The following NRG2 variants were observed in gnomAD, a reference collection of about 807,000 sequenced individuals.
NRG2 encodes the protein pro-neuregulin-2, membrane-bound isoform.
Under a neutral mutation model 73.9 loss-of-function variants are expected in NRG2, and 27 were observed. That is an observed-to-expected ratio of 0.37 (90% CI 0.27 to 0.50). The LOEUF (loss-of-function observed/expected upper bound fraction) is 0.50, where lower values mean the gene tolerates loss of function less well. Ranked by LOEUF, NRG2 falls within the 20% of genes least tolerant of loss-of-function variation. The pLI is 0.96. For missense variants in NRG2, 1,126 were observed against 1,210.1 expected, an observed-to-expected ratio of 0.93 and a Z score of 1.03; for synonymous variants, 532 against 541.0, an observed-to-expected ratio of 0.98 and a Z score of 0.23.
At chr5:139,858,766 C>T (rs1369126720) in intron 5 of NRG2, among the ~76,000 whole-genome samples, 1 of 152,214 alleles carries the variant, frequency 6.6e-6, no homozygotes, top group Non-Finnish European at 1.5e-5. Context: ...CTCAACAACA[C>T]ACACGTACCT....
chr5:139,979,461 C>T (rs192860964), intron 1 of NRG2, among the ~76,000 whole-genome samples: 2 of 152,154 alleles, frequency 1.3e-5, no homozygotes, highest in Non-Finnish European at 2.9e-5. Context: ...GTCAGCCTCC[C>T]GAAAATCTCC....
At chr5:140,033,200 C>G (rs1426193054) in intron 1 of NRG2, among the ~76,000 whole-genome samples, 1 of 152,188 alleles carries the variant, frequency 6.6e-6, no homozygotes, top group African/African-American at 2.4e-5. Context: ...TGTGAACCCA[C>G]TCCCAACCCT....
intron 1 of NRG2, among the ~76,000 whole-genome samples, chr5:139,920,214 ATT>A (rs976689561): frequency 1.3e-5 from 2 of 152,248 alleles, no homozygotes; most frequent in African/African-American, 4.8e-5. Flanking sequence ...TCTGGATTCA[ATT>A]TTATAGGTTA....
intron 1 of NRG2, among the ~76,000 whole-genome samples, chr5:139,940,698 T>C (rs1753328426): frequency 6.6e-6 from 1 of 152,176 alleles, no homozygotes; most frequent in Non-Finnish European, 1.5e-5. Flanking sequence ...ATGTGCCATG[T>C]AGGCAGAGAA....
At position 140,042,699 on chromosome 5, in the gene NRG2, G is replaced by T; in HGVS notation, c.371C>A (p.Ala124Glu). 6.3e-7 allele frequency: 1 copy of T among 1,578,732 alleles called. No individual in the cohort carries two copies. Reference protein sequence around the residue: ...SPSLKSVQDQAYKAPVVVEGK... With the variant: ...SPSLKSVQDQEYKAPVVVEGK... ...CTCCACCACCACGGGTGCCTTGTAC[G>T]CCTGGTCCTGCACTGACTTGAGGCT... Residue 124 changes from alanine (A) to glutamate (E), a missense_variant, in exon 1 of 10, where the codon GCG (alanine) becomes GAG (glutamate). Ala to Glu is a moderately radical substitution (Grantham distance 107). Coordinates refer to ENST00000361474, the MANE Select transcript of NRG2 (RefSeq NM_004883.3).
chr5:139,989,836 C>G (rs539380131), intron 1 of NRG2, among the ~76,000 whole-genome samples: 1 of 150,726 alleles, frequency 6.6e-6, no homozygotes, highest in Non-Finnish European at 1.5e-5. Flanking sequence ...TTGCCCAGGC[C>G]GGACTGCAGT....
In NRG2 at chr5:139,848,069, C is replaced by A. The variant is rs201901386; in HGVS notation, c.2401G>T (p.Ala801Ser). ...ESTPFLGLRG[A>S]HDALRSDSPP... ...GAGTCCGAGCGCAGCGCGTCGTGCG[C>A]CCCACGCAGGCCCAGGAAAGGTGTG... The change falls in exon 10 of 10, where the codon GCG (alanine) becomes TCG (serine). Residue 801 changes from alanine (A) to serine (S), a missense_variant. This residue lies in a region of NRG2 where 402 missense variants were observed against 357.8 expected (regional missense o/e 1.12). Coordinates refer to ENST00000361474, the MANE Select transcript of NRG2 (RefSeq NM_004883.3). The A allele has an allele frequency of 2.5e-3, 3,739 of 1,499,318 alleles. 6 individuals are homozygous for A. Among genetic ancestry groups the A allele is most frequent in the Non-Finnish European group, 3.0e-3 (3,395 of 1,131,146 alleles). 92.9% of individuals were successfully genotyped at this position (1,499,318 alleles called of 1,614,324 possible).
intron 1 of NRG2, among the ~76,000 whole-genome samples, chr5:139,890,824 A>G (rs1386116348): frequency 6.6e-6 from 1 of 152,180 alleles, no homozygotes; most frequent in Non-Finnish European, 1.5e-5. Flanking sequence ...ACATTCAGGA[A>G]AGTGCACATA....
chr5:139,851,416 C>T lies in NRG2; in HGVS notation c.1772+188G>A, dbSNP rs1280378310. ...GGGTCCACTGGCCCAACTCTAGTCC[C>T]AGTCTGTCATTAACATGCCGATGGC... On this transcript the variant is annotated intron_variant, in intron 9 of 9. Coordinates refer to ENST00000361474, the MANE Select transcript of NRG2 (RefSeq NM_004883.3). The surrounding 1 kb of genome is among the most constrained non-coding windows in gnomAD (Gnocchi z 4.2). Among the ~76,000 whole-genome samples, 1 of 152,246 alleles carries T rather than the reference C, an allele frequency of 6.6e-6. No individual in the cohort carries two copies. The highest frequency in any genetic ancestry group is 1.5e-5 in the Non-Finnish European group (1 of 68,054).
At chr5:139,909,903 C>G (rs1201266312) in intron 1 of NRG2, among the ~76,000 whole-genome samples, 1 of 152,192 alleles carries the variant, frequency 6.6e-6, no homozygotes, top group Non-Finnish European at 1.5e-5. Flanking sequence ...GGCCTCTTGC[C>G]AAATCTGCAT....
At chr5:139,855,912 T>C in intron 5 of NRG2, 134 bp from the exon 6 acceptor site, 1 of 667,780 alleles carries the variant, frequency 1.5e-6, no homozygotes, top group Non-Finnish European at 2.7e-6. Flanking sequence ...TTCCATCCCT[T>C]TTCTCCAGCC....
chr5:139,961,484 G>T (rs2126501469), intron 1 of NRG2, among the ~76,000 whole-genome samples: 1 of 152,250 alleles, frequency 6.6e-6, no homozygotes, highest in South Asian at 2.1e-4. Context: ...GCTGCAGCCA[G>T]AAGAATAAAA....
intron 1 of NRG2, among the ~76,000 whole-genome samples, chr5:139,965,532 C>T (rs770998410): frequency 6.6e-6 from 1 of 152,234 alleles, no homozygotes; most frequent in Non-Finnish European, 1.5e-5. Flanking sequence ...CATGCCACCA[C>T]ACAGCAGTGC....
At chr5:139,912,939 C>T (rs895088139) in intron 1 of NRG2, among the ~76,000 whole-genome samples, 7 of 152,176 alleles carry the variant, frequency 4.6e-5, no homozygotes, top group Non-Finnish European at 8.8e-5. Flanking sequence ...ACATATGTTT[C>T]CAGCTCTAGG....
chr5:139,995,069 TAC>T (rs1757924799), intron 1 of NRG2, among the ~76,000 whole-genome samples: 1 of 152,158 alleles, frequency 6.6e-6, no homozygotes, highest in African/African-American at 2.4e-5. Flanking sequence ...ATAAAAGGGG[TAC>T]TTTTAAAACA....
At chr5:139,892,812 C>T (rs1283351907) in intron 1 of NRG2, among the ~76,000 whole-genome samples, 1 of 152,198 alleles carries the variant, frequency 6.6e-6, no homozygotes, top group Non-Finnish European at 1.5e-5. Flanking sequence ...ACCGCTGCTC[C>T]TTCCCCACAG....
intron 1 of NRG2, among the ~76,000 whole-genome samples, chr5:139,966,134 G>T (rs544874735): frequency 2.0e-5 from 3 of 152,126 alleles, no homozygotes; most frequent in Non-Finnish European, 4.4e-5. Context: ...CTGAACCAAT[G>T]AATGGTCTCT....
chr5:139,916,279 T>C lies in NRG2; in HGVS notation c.701-28768A>G, dbSNP rs186760269. ...AGGCAGACGGTATATGAAGCACACT[T>C]CGAGAAAACTGGTCCCAGAGAATCC... On this transcript the variant is annotated intron_variant, in intron 1 of 9. Transcript: ENST00000361474. Among the ~76,000 whole-genome samples the C allele has an allele frequency of 7.2e-5, 11 of 152,300 alleles. No individual in the cohort carries two copies. In the East Asian group the frequency reaches 2.1e-3, roughly 29 times the overall value.
intron 1 of NRG2, among the ~76,000 whole-genome samples, chr5:139,924,532 G>A (rs1230476739): frequency 6.6e-6 from 1 of 152,144 alleles, no homozygotes; most frequent in Non-Finnish European, 1.5e-5. Context: ...ATAATAATGT[G>A]TTTGTTTCTT....
Sources: allele counts gnomAD v4.1 joint callset (sites outside exome capture counted in the v4.1 genomes callset), GRCh38; gene constraint gnomAD v4.1.1; regional missense constraint gnomAD v4.1.1; non-coding constraint Gnocchi (gnomAD v3.1); transcripts MANE v1.5; gene names NCBI Gene and HGNC (gene_info 2026-07-23, HGNC 2026-07-21).